HS3ST2: variants seen among roughly 807,000 people sequenced by gnomAD.
The protein encoded by HS3ST2 is heparan sulfate glucosamine 3-O-sulfotransferase 2.
Under a neutral mutation model 26.3 loss-of-function variants are expected in HS3ST2, and 17 were observed. That is an observed-to-expected ratio of 0.65 (90% CI 0.44 to 0.97). HS3ST2 has a LOEUF of 0.97. Among genes scored for constraint, HS3ST2 ranks in the 50% least tolerant of loss-of-function variants. The pLI is 0.00. For missense variants in HS3ST2, 402 were observed against 501.2 expected (o/e 0.80, Z 1.89); for synonymous variants, 237 against 219.2 (o/e 1.08, Z -0.72).
At chr16:22,854,975 G>C (rs1272756639) in intron 1 of HS3ST2, among the ~76,000 whole-genome samples, 1 of 152,056 alleles carries the variant, frequency 6.6e-6, no homozygotes, top group African/African-American at 2.4e-5. Flanking sequence ...TTTCTTTCTG[G>C]CTTTAAACTA....
At chr16:22,861,759 C>T (rs1169889843) in intron 1 of HS3ST2, among the ~76,000 whole-genome samples, 1 of 152,126 alleles carries the variant, frequency 6.6e-6, no homozygotes, top group Non-Finnish European at 1.5e-5. Context: ...TGCTGCAATC[C>T]TCTGTGGGCC....
chr16:22,868,669 G>A (rs555292746), intron 1 of HS3ST2, among the ~76,000 whole-genome samples: 3 of 152,132 alleles, frequency 2.0e-5, no homozygotes, highest in Admixed American at 6.5e-5. Flanking sequence ...ATCCATGACC[G>A]TGCTCTATCT....
chr16:22,836,199 G>A (rs866500786), intron 1 of HS3ST2, among the ~76,000 whole-genome samples: 6 of 152,118 alleles, frequency 3.9e-5, no homozygotes, highest in Admixed American at 1.3e-4. Context: ...CTCTGGTTAC[G>A]TGTTAAAGAT....
intron 1 of HS3ST2, among the ~76,000 whole-genome samples, chr16:22,827,127 C>G (rs892097118): frequency 6.6e-6 from 1 of 152,038 alleles, no homozygotes; most frequent in Non-Finnish European, 1.5e-5. Context: ...ATGCTGTGAT[C>G]TGGGAGAAGA....
intron 1 of HS3ST2, among the ~76,000 whole-genome samples, chr16:22,850,213 C>G (rs768091224): frequency 6.6e-6 from 1 of 151,714 alleles, no homozygotes; most frequent in Non-Finnish European, 1.5e-5. Flanking sequence ...GGGTGGTTCC[C>G]TCCAATGCAA....
chr16:22,844,781 C>A (rs1410836249), intron 1 of HS3ST2, among the ~76,000 whole-genome samples: 1 of 152,158 alleles, frequency 6.6e-6, no homozygotes, highest in African/African-American at 2.4e-5. Context: ...GATTGTAAAG[C>A]TTCCTGAGGC....
intron 1 of HS3ST2, among the ~76,000 whole-genome samples, chr16:22,855,750 G>T (rs1037083326): frequency 5.2e-5 from 7 of 135,674 alleles, no homozygotes; most frequent in African/African-American, 1.9e-4. Context: ...CACTTCATAC[G>T]CTGACTTCAT....
chr16:22,821,026 G>A (rs894049198), intron 1 of HS3ST2, among the ~76,000 whole-genome samples: 1 of 152,104 alleles, frequency 6.6e-6, no homozygotes, highest in African/African-American at 2.4e-5. Flanking sequence ...CTTCCAAAGA[G>A]CCAGTGACTA....
intron 1 of HS3ST2, among the ~76,000 whole-genome samples, chr16:22,887,098 C>T (rs1468159592): frequency 6.6e-6 from 1 of 152,138 alleles, no homozygotes; most frequent in Non-Finnish European, 1.5e-5. Context: ...GAGTCCCTAG[C>T]AGTTCTAGTG....
At chr16:22,853,443 C>G (rs1357218104) in intron 1 of HS3ST2, among the ~76,000 whole-genome samples, 1 of 152,180 alleles carries the variant, frequency 6.6e-6, no homozygotes, top group Non-Finnish European at 1.5e-5. Flanking sequence ...ATTTCTACCA[C>G]TGCTATTTCA....
At chr16:22,886,048 T>C (rs1381309289) in intron 1 of HS3ST2, among the ~76,000 whole-genome samples, 1 of 152,158 alleles carries the variant, frequency 6.6e-6, no homozygotes, top group African/African-American at 2.4e-5. Flanking sequence ...TGGGATGCCG[T>C]TAACACACAG....
chr16:22,845,839 C>T (rs1046156570), intron 1 of HS3ST2, among the ~76,000 whole-genome samples: 2 of 152,136 alleles, frequency 1.3e-5, no homozygotes, highest in Non-Finnish European at 2.9e-5. Context: ...GGTAAAGTTC[C>T]AGTCTTTTCA....
At chr16:22,855,992 T>C (rs1251556973) in intron 1 of HS3ST2, among the ~76,000 whole-genome samples, 1 of 152,170 alleles carries the variant, frequency 6.6e-6, no homozygotes, top group Non-Finnish European at 1.5e-5. Context: ...GATTTGGATC[T>C]GCCCCACTCA....
At chr16:22,840,012 C>T (rs1901329332) in intron 1 of HS3ST2, among the ~76,000 whole-genome samples, 1 of 152,120 alleles carries the variant, frequency 6.6e-6, no homozygotes, top group Non-Finnish European at 1.5e-5. Flanking sequence ...TTTAACCTTA[C>T]CGAAAAGGAA....
chr16:22,900,672 G>A (rs1466332794), intron 1 of HS3ST2, among the ~76,000 whole-genome samples: 3 of 152,080 alleles, frequency 2.0e-5, no homozygotes, highest in Admixed American at 6.6e-5. Flanking sequence ...TCAGTGGGGG[G>A]CAGGGGCGGG....
chr16:22,865,933 G>A (rs558507010), intron 1 of HS3ST2, among the ~76,000 whole-genome samples: 1 of 152,240 alleles, frequency 6.6e-6, no homozygotes, highest in Admixed American at 6.5e-5. Flanking sequence ...AGGGGAAAAT[G>A]CACAATCAAA....
At chr16:22,839,391 A>C (rs559975402) in intron 1 of HS3ST2, among the ~76,000 whole-genome samples, 1 of 152,332 alleles carries the variant, frequency 6.6e-6, no homozygotes, top group East Asian at 1.9e-4. Flanking sequence ...GGAGGAGTAG[A>C]ACAATGCTCC....
chr16:22,898,960 T>G lies in HS3ST2; in HGVS notation c.486-15984T>G, dbSNP rs557774327. On this transcript the variant is annotated intron_variant, in intron 1 of 1. Coordinates refer to ENST00000261374, the MANE Select transcript of HS3ST2 (RefSeq NM_006043.2). The stretch of plus-strand genomic sequence containing the variant: ...ATTTCCTCCAAGGAGGCAACAGGTG[T>G]TGGCTCCAACCACTGCAATTGGATC... Among the ~76,000 whole-genome samples the G allele has an allele frequency of 3.9e-5, 6 of 152,268 alleles. No homozygotes were observed. In the East Asian group the frequency reaches 1.2e-3, roughly 29 times the overall value.
intron 1 of HS3ST2, among the ~76,000 whole-genome samples, chr16:22,885,841 G>A (rs967499946): frequency 3.9e-5 from 6 of 152,062 alleles, no homozygotes; most frequent in African/African-American, 9.7e-5. Context: ...ACAGTTACCC[G>A]GTCCACCCAC....
Sources: gnomAD v4.1 joint callset for allele counts (sites outside exome capture counted in the v4.1 genomes callset) on GRCh38, gnomAD v4.1.1 for gene constraint, MANE v1.5 for transcripts, NCBI Gene and HGNC (gene_info 2026-07-23, HGNC 2026-07-21) for gene names.